PRKCB: variants seen among roughly 807,000 people sequenced by gnomAD.
The protein encoded by PRKCB is protein kinase C beta.
Under a neutral mutation model 81.5 loss-of-function variants are expected in PRKCB, and 13 were observed. The observed-to-expected ratio is 0.16, with a 90% CI of 0.10 to 0.25. PRKCB has a LOEUF of 0.25. Ranked by LOEUF, PRKCB falls within the 10% of genes least tolerant of loss-of-function variation. The pLI, the probability that PRKCB is intolerant of heterozygous loss-of-function variation, is 1.00. For synonymous variants in PRKCB, 335 were observed against 321.4 expected (o/e 1.04, Z -0.45); for missense variants, 509 against 875.7 (o/e 0.58, Z 5.29).
chr16:24,183,686 T>A (rs1274956688), intron 13 of PRKCB, among the ~76,000 whole-genome samples: 4 of 152,206 alleles, frequency 2.6e-5, no homozygotes, highest in Non-Finnish European at 4.4e-5. Flanking sequence ...CTCACATAAC[T>A]TCATGATATA....
chr16:24,090,380 A>G lies in PRKCB; in HGVS notation c.530-2411A>G, dbSNP rs373387651. ...TCGGTCTCAACCCCTTACTAGCTGT[A>G]TCATTTTAGGGAAGTCAGTCTTATT... is the stretch of plus-strand genomic sequence containing the variant. On this transcript the variant is annotated intron_variant, in intron 5 of 16. Transcript: ENST00000643927. Among the ~76,000 whole-genome samples the G allele has an allele frequency of 2.6e-4, 40 of 152,340 alleles. 1 individual carries two copies. The highest frequency in any genetic ancestry group is 1.0e-3 in the Admixed American group (16 of 15,306).
Position 24,217,831 on chromosome 16 carries a change from T to C in PRKCB, c.*3015T>C, listed in dbSNP as rs1968254437. On this transcript the variant is annotated 3_prime_UTR_variant, in exon 17 of 17. Coordinates refer to ENST00000643927, the MANE Select transcript of PRKCB (RefSeq NM_002738.7). ...TACCTGCCTTTTAGCTCACACACTG[T>C]CCTGGAGTTCTCAGACCTTTAGGGG... 1.0e-6 allele frequency: 1 copy of C among 985,458 alleles called. No homozygotes were observed. The highest frequency in any genetic ancestry group is 1.2e-6 in the Non-Finnish European group (1 of 829,974). The allele number at this position is 985,458 out of a possible 1,614,324, so 61.0% of individuals were successfully genotyped here.
intron 2 of PRKCB, among the ~76,000 whole-genome samples, chr16:23,902,315 A>C (rs1381304356): frequency 6.6e-6 from 1 of 152,220 alleles, no homozygotes; most frequent in African/African-American, 2.4e-5. Context: ...GATTTTTAGA[A>C]AAGTTGCAAA....
intron 2 of PRKCB, among the ~76,000 whole-genome samples, chr16:23,838,967 G>C (rs922286592): frequency 6.6e-6 from 1 of 152,214 alleles, no homozygotes; most frequent in African/African-American, 2.4e-5. Flanking sequence ...AATGCCAATG[G>C]TGTCTTGGCA....
At chr16:23,961,638 G>A (rs900820394) in intron 2 of PRKCB, among the ~76,000 whole-genome samples, 54 of 152,164 alleles carry the variant, frequency 3.5e-4, no homozygotes, top group Non-Finnish European at 2.1e-4. Flanking sequence ...CCACGGAGAT[G>A]TAATACAGGT....
intron 5 of PRKCB, among the ~76,000 whole-genome samples, chr16:24,039,127 G>A (rs1965665111): frequency 6.6e-6 from 1 of 152,208 alleles, no homozygotes; most frequent in South Asian, 2.1e-4. Context: ...CCGTCTGCAA[G>A]CCAGGAAGTG....
chr16:24,127,639 G>A (rs1275921388), intron 9 of PRKCB, among the ~76,000 whole-genome samples: 4 of 151,812 alleles, frequency 2.6e-5, no homozygotes, highest in Non-Finnish European at 5.9e-5. Context: ...TTGGGGGGTA[G>A]TGGGTGGAGT....
At chr16:24,160,449 G>A (rs1339780159) in intron 10 of PRKCB, among the ~76,000 whole-genome samples, 1 of 152,148 alleles carries the variant, frequency 6.6e-6, no homozygotes, top group African/African-American at 2.4e-5. Flanking sequence ...GCAGAGCAGG[G>A]CTTCAGAGGA....
chr16:24,079,509 C>T (rs1344947256), intron 5 of PRKCB, among the ~76,000 whole-genome samples: 3 of 152,096 alleles, frequency 2.0e-5, no homozygotes, highest in African/African-American at 7.2e-5. Context: ...GTAATTAATG[C>T]TCAACTGAGA....
At chr16:23,860,301 A>G (rs183292308) in intron 2 of PRKCB, among the ~76,000 whole-genome samples, 181 of 152,272 alleles carry the variant, frequency 1.2e-3, no homozygotes, top group African/African-American at 3.9e-3. Context: ...TGCTTGATAC[A>G]TAGAAATATC....
At chr16:24,066,737 T>A (rs1966040148) in intron 5 of PRKCB, among the ~76,000 whole-genome samples, 1 of 152,226 alleles carries the variant, frequency 6.6e-6, no homozygotes, top group Non-Finnish European at 1.5e-5. Context: ...AATTTCTCAA[T>A]CGTTTCTTAT....
At chr16:24,199,409 G>A (rs1044906137) in intron 16 of PRKCB, among the ~76,000 whole-genome samples, 2 of 152,140 alleles carry the variant, frequency 1.3e-5, no homozygotes, top group African/African-American at 4.8e-5. Context: ...GTGTGTGTGT[G>A]TCTGAATGTG....
intron 3 of PRKCB, among the ~76,000 whole-genome samples, chr16:24,015,372 T>C (rs980448387): frequency 6.6e-6 from 1 of 152,218 alleles, no homozygotes; most frequent in Non-Finnish European, 1.5e-5. Context: ...ACATTCCAGC[T>C]ATAGAATCTG....
chr16:23,945,885 G>A (rs976911588), intron 2 of PRKCB, among the ~76,000 whole-genome samples: 3 of 152,158 alleles, frequency 2.0e-5, no homozygotes, highest in African/African-American at 7.2e-5. Flanking sequence ...GAGTAGGGAA[G>A]AGATCCACGC....
At chr16:23,892,401 G>A (rs1057141237) in intron 2 of PRKCB, among the ~76,000 whole-genome samples, 1 of 152,192 alleles carries the variant, frequency 6.6e-6, no homozygotes, top group African/African-American at 2.4e-5. Context: ...TTAAGGTCCT[G>A]AGCTTTAATT....
At chr16:24,021,012 C>CTTTCTTTCTTTCTTTCTT (rs1965360570) in intron 3 of PRKCB, among the ~76,000 whole-genome samples, 34 of 141,644 alleles carry the variant, frequency 2.4e-4, no homozygotes, top group African/African-American at 8.7e-4. Flanking sequence ...TTCTTTCTTT[C>CTTTCTTTCTTTCTTTCTT]TTTCTTTCTT....
chr16:24,214,630 C>G (rs1438631489), intron 16 of PRKCB, 28 bp from the exon 17 acceptor site: 6 of 1,591,134 alleles, frequency 3.8e-6, no homozygotes, highest in Non-Finnish European at 4.3e-6. Context: ...TCCCACCCAC[C>G]ACAAGTTCTT....
At chr16:24,059,394 A>G (rs957404244) in intron 5 of PRKCB, among the ~76,000 whole-genome samples, 1 of 152,174 alleles carries the variant, frequency 6.6e-6, no homozygotes, top group African/African-American at 2.4e-5. Flanking sequence ...GCAGTGGCTC[A>G]TGTCTGTAAT....
chr16:24,204,344 GA>G (rs1278840971), intron 16 of PRKCB, among the ~76,000 whole-genome samples: 1 of 152,064 alleles, frequency 6.6e-6, no homozygotes, highest in Non-Finnish European at 1.5e-5. Flanking sequence ...GGATGTAATG[GA>G]AAGCCCATGG....
Sources: allele counts gnomAD v4.1 joint callset (sites outside exome capture counted in the v4.1 genomes callset), GRCh38; gene constraint gnomAD v4.1.1; transcripts MANE v1.5; gene names NCBI Gene and HGNC (gene_info 2026-07-23, HGNC 2026-07-21).